STAU2: variants seen among roughly 807,000 people sequenced by gnomAD.
STAU2 encodes staufen double-stranded RNA binding protein 2.
Under a neutral mutation model 65.9 loss-of-function variants are expected in STAU2, and 20 were observed. That is an observed-to-expected ratio of 0.30 (90% CI 0.21 to 0.44). STAU2 has a LOEUF of 0.44. STAU2 is among the 20% of genes least tolerant of loss of function. STAU2 has a pLI of 1.00. For synonymous variants in STAU2, 232 were observed against 233.9 expected (o/e 0.99, Z 0.07); for missense variants, 558 against 683.9 (o/e 0.82, Z 2.05).
chr8:73,566,660 A>G (rs767387568), intron 12 of STAU2, among the ~76,000 whole-genome samples: 2 of 152,200 alleles, frequency 1.3e-5, no homozygotes, highest in Non-Finnish European at 2.9e-5. Flanking sequence ...ACATGAGTTC[A>G]AGTCTTCACT....
intron 12 of STAU2, among the ~76,000 whole-genome samples, chr8:73,566,443 T>C (rs1808617635): frequency 6.6e-6 from 1 of 152,198 alleles, no homozygotes; most frequent in African/African-American, 2.4e-5. Flanking sequence ...TTGAACATTT[T>C]CCATGTAATA....
chr8:73,513,095 G>GT (rs1822506546), intron 13 of STAU2, among the ~76,000 whole-genome samples: 1 of 151,930 alleles, frequency 6.6e-6, no homozygotes, highest in Non-Finnish European at 1.5e-5. Context: ...TAAATATCTT[G>GT]TAATTTTTTA....
chr8:73,601,164 A>AT (rs1811605825), intron 10 of STAU2, among the ~76,000 whole-genome samples: 1 of 152,244 alleles, frequency 6.6e-6, no homozygotes, highest in Non-Finnish European at 1.5e-5. Flanking sequence ...TTAACAGCTC[A>AT]TTCACATGAA....
At chr8:73,657,179 CAT>C (rs1208861182) in intron 6 of STAU2, among the ~76,000 whole-genome samples, 2 of 152,086 alleles carry the variant, frequency 1.3e-5, no homozygotes, top group Admixed American at 1.3e-4. Context: ...GACAAAAAAA[CAT>C]ATAAAAGACC....
intron 4 of STAU2, among the ~76,000 whole-genome samples, chr8:73,691,983 C>T (rs934223012): frequency 3.9e-5 from 6 of 152,284 alleles, no homozygotes; most frequent in African/African-American, 1.2e-4. Context: ...TTTTTAGCCC[C>T]ATCCCATTCC....
At chr8:73,464,521 G>A (rs1448706519) in intron 13 of STAU2, among the ~76,000 whole-genome samples, 1 of 152,126 alleles carries the variant, frequency 6.6e-6, no homozygotes, top group East Asian at 1.9e-4. Flanking sequence ...CCATATAATA[G>A]ACAATGCAAC....
intron 5 of STAU2, among the ~76,000 whole-genome samples, chr8:73,688,429 G>A (rs889297953): frequency 6.6e-6 from 1 of 151,936 alleles, no homozygotes; most frequent in African/African-American, 2.4e-5. Context: ...GCCTCCCAAA[G>A]TGCTGGGATT....
intron 13 of STAU2, among the ~76,000 whole-genome samples, chr8:73,479,544 G>C (rs951763956): frequency 6.7e-6 from 1 of 150,224 alleles, no homozygotes; most frequent in African/African-American, 2.5e-5. Context: ...CTACATGTTA[G>C]GCTGTATGAA....
intron 5 of STAU2, among the ~76,000 whole-genome samples, chr8:73,687,275 C>CATTTAGAAAAATTTATATTTATATTTAT (rs1818925962): frequency 5.5e-5 from 1 of 18,210 alleles, no homozygotes; most frequent in Non-Finnish European, 1.3e-4. Flanking sequence ...TATTAATTTA[C>CATTTAGAAAAATTTATATTTATATTTAT]ATTTATAAAA....
chr8:73,544,358 C>T (rs1234211835), intron 13 of STAU2, among the ~76,000 whole-genome samples: 1 of 152,180 alleles, frequency 6.6e-6, no homozygotes, highest in African/African-American at 2.4e-5. Flanking sequence ...TCATCTTGTA[C>T]ACTGCTGACA....
chr8:73,644,772 T>C lies in STAU2; in HGVS notation c.411-27321A>G, dbSNP rs189390336. ...AAGAATCAGGGATTATCACTAGAGA[T>C]CCTGTAGACATCAAAAGAATAAGGG... On this transcript the variant is annotated intron_variant, in intron 6 of 14. Coordinates refer to ENST00000524300, the MANE Select transcript of STAU2 (RefSeq NM_001164380.2). Among the ~76,000 whole-genome samples, 138 of 152,186 alleles carry C rather than the reference T, an allele frequency of 9.1e-4. 1 individual carries two copies. Among genetic ancestry groups the C allele is most frequent in the African/African-American group, 3.2e-3 (132 of 41,540 alleles).
intron 13 of STAU2, among the ~76,000 whole-genome samples, chr8:73,521,041 T>C (rs1223085355): frequency 6.6e-6 from 1 of 152,184 alleles, no homozygotes; most frequent in Non-Finnish European, 1.5e-5. Flanking sequence ...GCAAAAGCTC[T>C]GTACATAGTC....
chr8:73,499,903 C>G (rs1434108326), intron 13 of STAU2, among the ~76,000 whole-genome samples: 1 of 151,766 alleles, frequency 6.6e-6, no homozygotes, highest in East Asian at 1.9e-4. Flanking sequence ...AAGTGAAATA[C>G]CTCTGTCAAA....
chr8:73,654,925 T>C (rs1370076090), intron 6 of STAU2, among the ~76,000 whole-genome samples: 1 of 152,086 alleles, frequency 6.6e-6, no homozygotes, highest in Non-Finnish European at 1.5e-5. Context: ...GACCTCGTGA[T>C]CTGCCCGTCT....
intron 10 of STAU2, among the ~76,000 whole-genome samples, chr8:73,599,989 C>T (rs191595452): frequency 1.3e-5 from 2 of 152,214 alleles, no homozygotes; most frequent in South Asian, 2.1e-4. Context: ...AGGATAGTCT[C>T]GATCTCCTGA....
intron 13 of STAU2, among the ~76,000 whole-genome samples, chr8:73,447,562 A>G (rs1332113686): frequency 6.6e-6 from 1 of 152,238 alleles, no homozygotes; most frequent in Non-Finnish European, 1.5e-5. Flanking sequence ...AGACAAATAT[A>G]TGATTTTGAT....
chr8:73,729,752 C>T lies in STAU2; in HGVS notation c.-18+8532G>A, dbSNP rs1174380578. On this transcript the variant is annotated intron_variant, in intron 3 of 14. Coordinates refer to ENST00000524300, the MANE Select transcript of STAU2 (RefSeq NM_001164380.2). ...TGTAAGTCTGTTATATTTTCTGTTT[C>T]TTCTGAGTCAGTTTTAGTAATGCGT... 3.1e-4 allele frequency among the ~76,000 whole-genome samples: 47 copies of T among 152,088 alleles called. 1 individual carries two copies. Among genetic ancestry groups the T allele is most frequent in the Admixed American group, 3.1e-3 (47 of 15,258 alleles).
At chr8:73,456,243 C>T (rs1015446379) in intron 13 of STAU2, among the ~76,000 whole-genome samples, 5 of 152,130 alleles carry the variant, frequency 3.3e-5, no homozygotes, top group Non-Finnish European at 7.4e-5. Context: ...AAAGGGCAAT[C>T]GAAAATATAC....
At chr8:73,626,836 TC>T (rs1813679953) in intron 6 of STAU2, among the ~76,000 whole-genome samples, 1 of 152,010 alleles carries the variant, frequency 6.6e-6, no homozygotes, top group Admixed American at 6.6e-5. Flanking sequence ...AAATGGGTGA[TC>T]AACTCTAGTG....
Sources: allele counts gnomAD v4.1 joint callset (sites outside exome capture counted in the v4.1 genomes callset), GRCh38; gene constraint gnomAD v4.1.1; transcripts MANE v1.5; gene names NCBI Gene and HGNC (gene_info 2026-07-23, HGNC 2026-07-21).